The following EDNRB variants were observed in gnomAD, a reference collection of about 807,000 sequenced individuals.
EDNRB encodes the protein Hirschsprung disease 2.
EDNRB carries 18 observed loss-of-function variants against 46.4 expected under a neutral mutation model. That is an observed-to-expected ratio of 0.39 (90% confidence interval 0.27 to 0.57). The LOEUF (loss-of-function observed/expected upper bound fraction) is 0.57, where lower values mean the gene tolerates loss of function less well. EDNRB is among the 20% of genes least tolerant of loss of function. EDNRB has a pLI of 0.61. For synonymous variants in EDNRB, 213 were observed against 204.9 expected (o/e 1.04, Z -0.34); for missense variants, 434 against 537.5 (o/e 0.81, Z 1.90).
At chr13:77,955,070 T>G (rs1398947131) in intron 1 of EDNRB, among the ~76,000 whole-genome samples, 1 of 152,202 alleles carries the variant, frequency 6.6e-6, no homozygotes, top group Non-Finnish European at 1.5e-5. Context: ...ACTGCACCAT[T>G]TTACATTCCC....
chr13:77,960,421 T>C (rs1387641642), intron 1 of EDNRB, among the ~76,000 whole-genome samples: 2 of 152,088 alleles, frequency 1.3e-5, no homozygotes, highest in Admixed American at 1.3e-4. Flanking sequence ...CCCCAGAATT[T>C]CATATCCAGC....
rs1012879835 is a variant in EDNRB, at chr13:77,962,578, T to C, written c.-52+12769A>G. ...TTTGACAAAATTCAACAGCCCTTCA[T>C]GCTAAAAACTCTCAACAAATTAGGT... On this transcript the variant is annotated intron_variant, in intron 1 of 7. Coordinates refer to the EDNRB transcript ENST00000646948. Among the ~76,000 whole-genome samples, 27 of 152,328 alleles carry C rather than the reference T, an allele frequency of 1.8e-4. 1 individual carries two copies. Among genetic ancestry groups the C allele is most frequent in the African/African-American group, 6.3e-4 (26 of 41,580 alleles).
At chr13:77,948,726 T>C (rs1881002008) in intron 1 of EDNRB, among the ~76,000 whole-genome samples, 1 of 152,198 alleles carries the variant, frequency 6.6e-6, no homozygotes. Context: ...ATTCTGTTTC[T>C]TTTATTCCAA....
At chr13:77,970,771 GT>G (rs79948927) in intron 1 of EDNRB, among the ~76,000 whole-genome samples, 16 of 151,578 alleles carry the variant, frequency 1.1e-4, no homozygotes, top group Admixed American at 3.3e-4. Context: ...ATACAAACAA[GT>G]TTTTTTTAGG....
chr13:77,959,014 A>G (rs1001168542), intron 1 of EDNRB, among the ~76,000 whole-genome samples: 1 of 152,228 alleles, frequency 6.6e-6, no homozygotes, highest in African/African-American at 2.4e-5. Flanking sequence ...TGGAGATGAC[A>G]AGGAGGGGTG....
At chr13:77,948,502 GT>G (rs1880996049) in intron 1 of EDNRB, among the ~76,000 whole-genome samples, 2 of 152,122 alleles carry the variant, frequency 1.3e-5, no homozygotes. Context: ...AATTCTCCAT[GT>G]TTTCATATAC....
At chr13:77,958,990 G>C (rs1392134980) in intron 1 of EDNRB, among the ~76,000 whole-genome samples, 1 of 152,204 alleles carries the variant, frequency 6.6e-6, no homozygotes, top group African/African-American at 2.4e-5. Flanking sequence ...GTGTTGTTGG[G>C]AGAGAAGGGA....
At chr13:77,962,484 G>A (rs1441359088) in intron 1 of EDNRB, among the ~76,000 whole-genome samples, 4 of 152,108 alleles carry the variant, frequency 2.6e-5, no homozygotes, top group Non-Finnish European at 4.4e-5. Context: ...ATCAATAAAT[G>A]TAATCCAGCA....
intron 6 of EDNRB, chr13:77,899,643 T>A (rs751607155): frequency 1.1e-4 from 54 of 497,684 alleles, no homozygotes; most frequent in Non-Finnish European, 1.9e-4. Flanking sequence ...ACTGATTGGC[T>A]GAGGCAGTAG....
intron 1 of EDNRB, chr13:77,939,618 A>G (rs1172222742): frequency 6.6e-6 from 1 of 152,212 alleles, no homozygotes; most frequent in East Asian, 1.9e-4. Context: ...ATGCTAAAGG[A>G]TTCATACATT....
chr13:77,956,111 G>A (rs1421494579), intron 1 of EDNRB, among the ~76,000 whole-genome samples: 2 of 152,086 alleles, frequency 1.3e-5, no homozygotes, highest in African/African-American at 4.8e-5. Flanking sequence ...AGATTGCTTT[G>A]CATAGTATGG....
rs1594374296 is a variant in EDNRB, at chr13:77,918,807, T to C, written c.-234A>G. On this transcript the variant is annotated 5_prime_UTR_variant, in exon 1 of 7. Transcript: ENST00000646607. The surrounding 1 kb of genome is among the most constrained non-coding windows in gnomAD (Gnocchi z 4.5). The stretch of plus-strand genomic sequence containing the variant: ...GCCAGCGCGGGTCGAAACTCCTTCC[T>C]GATGCCCTCTCAGCTGTTTTTCTTC... 7.6e-7 allele frequency: 1 copy of C among 1,313,690 alleles called. No homozygotes were observed. The highest frequency in any genetic ancestry group is 2.9e-5 in the East Asian group (1 of 34,688). 81.4% of individuals were successfully genotyped at this position (1,313,690 alleles called of 1,614,324 possible). A position where few individuals can be genotyped will look rare whatever the true frequency, so the allele number is the denominator to read the frequency against.
intron 1 of EDNRB, among the ~76,000 whole-genome samples, chr13:77,963,134 T>C (rs2137686971): frequency 6.6e-6 from 1 of 152,304 alleles, no homozygotes; most frequent in Non-Finnish European, 1.5e-5. Flanking sequence ...CACAAACAAA[T>C]GGAAGAACAT....
intron 1 of EDNRB, among the ~76,000 whole-genome samples, chr13:77,966,540 G>A (rs1345070612): frequency 6.6e-6 from 1 of 152,084 alleles, no homozygotes; most frequent in Non-Finnish European, 1.5e-5. Context: ...AATTCTTACA[G>A]GCATTTCTCA....
intron 1 of EDNRB, among the ~76,000 whole-genome samples, chr13:77,960,774 G>A (rs1316747643): frequency 2.0e-5 from 3 of 150,918 alleles, no homozygotes; most frequent in African/African-American, 7.3e-5. Context: ...AACCATCAGT[G>A]TGCTGTATTC....
At chr13:77,937,746 C>T (rs1311410762) in intron 1 of EDNRB, among the ~76,000 whole-genome samples, 1 of 151,870 alleles carries the variant, frequency 6.6e-6, no homozygotes, top group African/African-American at 2.4e-5. Flanking sequence ...TGGGACCTAC[C>T]TTAGCCTGGC....
At chr13:77,970,482 G>T (rs1881697291) in intron 1 of EDNRB, among the ~76,000 whole-genome samples, 1 of 152,106 alleles carries the variant, frequency 6.6e-6, no homozygotes, top group African/African-American at 2.4e-5. Context: ...TGTGTGATTT[G>T]GTTGAGCATG....
At chr13:77,913,988 T>C (rs1048381884) in intron 1 of EDNRB, among the ~76,000 whole-genome samples, 1 of 152,228 alleles carries the variant, frequency 6.6e-6, no homozygotes, top group African/African-American at 2.4e-5. Context: ...ATGTAGACTA[T>C]GTAAATATTA....
At chr13:77,931,314 C>T (rs1880389926) in intron 1 of EDNRB, among the ~76,000 whole-genome samples, 2 of 152,020 alleles carry the variant, frequency 1.3e-5, no homozygotes, top group South Asian at 4.1e-4. Flanking sequence ...CACAAGTTTT[C>T]TATAAGAAGT....
Sources: gnomAD v4.1 joint callset for allele counts (sites outside exome capture counted in the v4.1 genomes callset) on GRCh38, gnomAD v4.1.1 for gene constraint, Gnocchi (gnomAD v3.1) non-coding constraint, MANE v1.5 for transcripts, NCBI Gene and HGNC (gene_info 2026-07-23, HGNC 2026-07-21) for gene names.